Variants in PLCE1 observed in about 807,000 individuals in gnomAD.
PLCE1 encodes the protein 1-phosphatidylinositol 4,5-bisphosphate phosphodiesterase epsilon-1.
Under a neutral mutation model 242.8 loss-of-function variants are expected in PLCE1, and 119 were observed. The observed-to-expected ratio is 0.49, with a 90% CI of 0.42 to 0.57. PLCE1 has a LOEUF of 0.57. PLCE1 is among the 20% of genes least tolerant of loss of function. The pLI, the probability that PLCE1 is intolerant of heterozygous loss-of-function variation, is 0.00. For synonymous variants in PLCE1, 945 were observed against 1,017.4 expected (o/e 0.93, Z 1.35); for missense variants, 2,441 against 2,788.8 (o/e 0.88, Z 2.81).
chr10:94,127,077 T>C (rs2046456710), intron 2 of PLCE1, among the ~76,000 whole-genome samples: 1 of 152,236 alleles, frequency 6.6e-6, no homozygotes, highest in African/African-American at 2.4e-5. Context: ...ATCTACAAAA[T>C]GAATCAACTT....
At chr10:94,287,073 G>A (rs2052475847) in intron 22 of PLCE1, 1 of 152,200 alleles carries the variant, frequency 6.6e-6, no homozygotes, top group Non-Finnish European at 1.5e-5. Context: ...TGTACCAGTA[G>A]AGAATCGTGG....
At chr10:94,236,767 G>A (rs2137341321) in intron 7 of PLCE1, among the ~76,000 whole-genome samples, 1 of 152,244 alleles carries the variant, frequency 6.6e-6, no homozygotes, top group East Asian at 1.9e-4. Flanking sequence ...GCTAACATTA[G>A]TGGCAATCTA....
chr10:94,233,490 T>C (rs2050212491), intron 5 of PLCE1, among the ~76,000 whole-genome samples: 1 of 152,208 alleles, frequency 6.6e-6, no homozygotes, highest in Non-Finnish European at 1.5e-5. Flanking sequence ...CCAGAAAAAC[T>C]CAAACCTACA....
chr10:94,060,559 A>G (rs1044253655), intron 2 of PLCE1, among the ~76,000 whole-genome samples: 2 of 152,164 alleles, frequency 1.3e-5, no homozygotes, highest in Non-Finnish European at 2.9e-5. Context: ...GCCTTACAAG[A>G]AAATTGCAAG....
intron 3 of PLCE1, among the ~76,000 whole-genome samples, chr10:94,152,878 C>T (rs2047316857): frequency 6.6e-6 from 1 of 152,014 alleles, no homozygotes. Flanking sequence ...GTTATTTCTG[C>T]AATAGTATGT....
At position 94,030,996 on chromosome 10, in the gene PLCE1, C is replaced by T. The variant is rs773934222; in HGVS notation, c.-51C>T. The T allele has an allele frequency of 6.3e-7, 1 of 1,594,160 alleles. No homozygotes were observed. The highest frequency in any genetic ancestry group is 1.1e-5 in the South Asian group (1 of 90,588). ...CATTTTATTAAAACCTTGACATGAT[C>T]ACCAGGGAGGAAAAATAGAGCAATA... is the stretch of plus-strand genomic sequence containing the variant. On this transcript the variant is annotated 5_prime_UTR_variant, in exon 2 of 33. Transcript: ENST00000371380.
At chr10:94,067,874 G>A (rs1297398789) in intron 2 of PLCE1, among the ~76,000 whole-genome samples, 1 of 152,192 alleles carries the variant, frequency 6.6e-6, no homozygotes, top group Non-Finnish European at 1.5e-5. Flanking sequence ...CCAGCATCCA[G>A]AGCTTGGAGC....
At chr10:94,319,043 A>ATCTT (rs1471788816) in intron 29 of PLCE1, among the ~76,000 whole-genome samples, 1 of 152,150 alleles carries the variant, frequency 6.6e-6, no homozygotes, top group East Asian at 1.9e-4. Flanking sequence ...GCAAGACTTC[A>ATCTT]TCTTTAAAAA....
chr10:94,321,630 A>G (rs1342517374), intron 29 of PLCE1, among the ~76,000 whole-genome samples: 5 of 79,688 alleles, frequency 6.3e-5, no homozygotes, highest in Non-Finnish European at 8.5e-5. Context: ...TCCATCTCAG[A>G]AAAAAAAAAA....
At chr10:94,317,817 T>G (rs1480325697) in intron 29 of PLCE1, among the ~76,000 whole-genome samples, 1 of 152,188 alleles carries the variant, frequency 6.6e-6, no homozygotes, top group South Asian at 2.1e-4. Context: ...TAGACAGTCA[T>G]GCGTCATGAC....
chr10:94,240,405 G>A (rs17109869), intron 7 of PLCE1, among the ~76,000 whole-genome samples: 54,179 of 151,850 alleles, frequency 0.36, 9,982 homozygotes, highest in African/African-American at 0.45. Flanking sequence ...AAAACCCACA[G>A]ACTACTCACA....
In PLCE1 at chr10:94,297,590, T is replaced by TAAAAAAAAAA. The variant is rs71031568; in HGVS notation, c.5168-761_5168-752dup. Among the ~76,000 whole-genome samples the TAAAAAAAAAA allele has an allele frequency of 6.7e-4, 38 of 56,574 alleles. 1 individual carries two copies. Among genetic ancestry groups the TAAAAAAAAAA allele is most frequent in the Admixed American group, 2.6e-3 (11 of 4,200 alleles). The allele number at this position is 56,574 out of a possible 152,430, so 37.1% of individuals were successfully genotyped here. A position where few individuals can be genotyped will look rare whatever the true frequency, so the allele number is the denominator to read the frequency against. On this transcript the variant is annotated intron_variant, in intron 23 of 32. Coordinates refer to ENST00000371380, the MANE Select transcript of PLCE1 (RefSeq NM_016341.4). ...AGGCCTGCCCCAAACTTTAAATTTG[T>TAAAAAAAAAA]AAAAAAAAAAAAAAAAAAAAAAAAA...
At chr10:94,188,779 G>T (rs1384773050) in intron 4 of PLCE1, among the ~76,000 whole-genome samples, 4 of 151,830 alleles carry the variant, frequency 2.6e-5, no homozygotes, top group Non-Finnish European at 5.9e-5. Flanking sequence ...CTAATTTTTT[G>T]AATTTAATAG....
chr10:94,072,725 T>C (rs2044396585), intron 2 of PLCE1, among the ~76,000 whole-genome samples: 1 of 152,224 alleles, frequency 6.6e-6, no homozygotes, highest in African/African-American at 2.4e-5. Context: ...TACTTACTTA[T>C]TTTTTGTTAT....
At chr10:94,166,575 A>G (rs796824671) in intron 3 of PLCE1, among the ~76,000 whole-genome samples, 132 of 97,904 alleles carry the variant, frequency 1.3e-3, no homozygotes, top group African/African-American at 5.7e-3. Flanking sequence ...CAGAAGAGAA[A>G]AAAGGTGTGT....
chr10:94,199,709 C>T (rs534623244), intron 4 of PLCE1, among the ~76,000 whole-genome samples: 2 of 152,232 alleles, frequency 1.3e-5, no homozygotes, highest in South Asian at 4.1e-4. Flanking sequence ...AATAAATGAC[C>T]GAGATGTAAA....
chr10:94,248,272 A>G (rs1489155437), intron 8 of PLCE1, among the ~76,000 whole-genome samples: 1 of 152,208 alleles, frequency 6.6e-6, no homozygotes, highest in Non-Finnish European at 1.5e-5. Context: ...TGTTACACAG[A>G]ACAAAGCCAG....
chr10:94,252,441 G>A lies in PLCE1; in HGVS notation c.3222G>A (p.Gln1074=). The A allele has an allele frequency of 6.2e-7, 1 of 1,614,006 alleles. No individual in the cohort carries two copies. The highest frequency in any genetic ancestry group is 8.5e-7 in the Non-Finnish European group (1 of 1,179,964). The change falls in exon 9 of 33, where the codon CAG becomes CAA. Residue 1074 remains glutamine, a synonymous_variant. Coordinates refer to ENST00000371380, the MANE Select transcript of PLCE1 (RefSeq NM_016341.4). The part of the protein sequence containing the change: ...SAKNAEKPNM[Q]RNNTLGISTT... The stretch of plus-strand genomic sequence containing the variant: ...AGAATGCTGAGAAGCCCAATATGCA[G>A]AGAAACAATACCCTGGGCATAAGCA...
Position 94,252,340 on chromosome 10 carries a change from A to G in PLCE1, c.3121A>G (p.Thr1041Ala). Residue 1041 changes from threonine to alanine, a missense_variant, in exon 9 of 33, where the codon ACT becomes GCT. Transcript: ENST00000371380. Reference protein sequence around the residue: ...YQEDGRYEGPTLAHAVELFGG... With the variant: ...YQEDGRYEGPALAHAVELFGG... ...GGAGGATGGACGGTATGAAGGCCCA[A>G]CTTTGGCTCACGCTGTGGAGTTGTT... is the stretch of plus-strand genomic sequence containing the variant. 6.2e-7 allele frequency: 1 copy of G among 1,614,114 alleles called. No individual in the cohort carries two copies. The highest frequency in any genetic ancestry group is 8.5e-7 in the Non-Finnish European group (1 of 1,179,976).
Sources: allele counts gnomAD v4.1 joint callset (sites outside exome capture counted in the v4.1 genomes callset), GRCh38; gene constraint gnomAD v4.1.1; transcripts MANE v1.5; gene names NCBI Gene and HGNC (gene_info 2026-07-23, HGNC 2026-07-21).